Variants in ZNF423 observed in about 807,000 individuals in gnomAD.
The protein encoded by ZNF423 is zinc finger protein 423.
In ZNF423, 12 loss-of-function variants were observed where a neutral mutation model predicts 95.8. The ratio of observed to expected loss-of-function variants is 0.13; its 90% confidence interval spans 0.08 to 0.20. ZNF423 has a LOEUF of 0.20. Among genes scored for constraint, ZNF423 ranks in the 10% least tolerant of loss-of-function variants. ZNF423 has a pLI of 1.00. For missense variants in ZNF423, 1,316 were observed against 1,737.1 expected (o/e 0.76, Z 4.31); for synonymous variants, 749 against 711.9 (o/e 1.05, Z -0.83).
intron 3 of ZNF423, among the ~76,000 whole-genome samples, chr16:49,678,852 A>G (rs2031230781): frequency 1.3e-5 from 2 of 152,240 alleles, no homozygotes; most frequent in Admixed American, 6.5e-5. Flanking sequence ...AATACAAATC[A>G]TGAAGAGGAT....
At chr16:49,784,570 G>A (rs1206276345) in intron 2 of ZNF423, among the ~76,000 whole-genome samples, 1 of 152,176 alleles carries the variant, frequency 6.6e-6, no homozygotes, top group Non-Finnish European at 1.5e-5. Context: ...AAAATATTAG[G>A]CTAAGTGAAA....
chr16:49,708,928 G>A (rs888269448), intron 3 of ZNF423, among the ~76,000 whole-genome samples: 12 of 152,118 alleles, frequency 7.9e-5, no homozygotes, highest in African/African-American at 2.9e-4. Flanking sequence ...ATGAATGGGC[G>A]GGGGGTAAAG....
chr16:49,815,914 A>ATTTTTTT (rs58692079), intron 1 of ZNF423, among the ~76,000 whole-genome samples: 5 of 29,808 alleles, frequency 1.7e-4, no homozygotes, highest in East Asian at 1.2e-3. Flanking sequence ...ATATATATAT[A>ATTTTTTT]TTTTTTTTTT....
At chr16:49,538,581 T>C (rs961276043) in intron 5 of ZNF423, among the ~76,000 whole-genome samples, 2 of 152,136 alleles carry the variant, frequency 1.3e-5, no homozygotes, top group Non-Finnish European at 2.9e-5. Flanking sequence ...TTTTTCCCAG[T>C]GCAAAGCTGC....
At chr16:49,593,062 AT>A (rs1195925688) in intron 5 of ZNF423, among the ~76,000 whole-genome samples, 1 of 152,158 alleles carries the variant, frequency 6.6e-6, no homozygotes, top group African/African-American at 2.4e-5. Flanking sequence ...GAAAGGTTGT[AT>A]GGGGGAGTGA....
rs117048934 is a variant in ZNF423 at position 49,729,214 on chromosome 16, A to C, written c.301+1557T>G. Among the ~76,000 whole-genome samples the C allele has an allele frequency of 2.0e-4, 31 of 152,354 alleles. No homozygotes were observed. The East Asian group carries it at 6.0e-3, about 29-fold the overall frequency. ...CCTATTCTCTTGCATTTAGAAAATA[A>C]AGAGAATAACTTTTCATTAGATCAA... On this transcript the variant is annotated intron_variant, in intron 3 of 7. Coordinates refer to ENST00000563137, the MANE Select transcript of ZNF423 (RefSeq NM_001379286.1).
chr16:49,845,604 G>A (rs2035237039), intron 1 of ZNF423, among the ~76,000 whole-genome samples: 1 of 152,022 alleles, frequency 6.6e-6, no homozygotes, highest in African/African-American at 2.4e-5. Flanking sequence ...ACAGTGGCAT[G>A]ATCATGGCTC....
At chr16:49,524,154 C>T (rs952722196) in intron 6 of ZNF423, among the ~76,000 whole-genome samples, 1 of 152,170 alleles carries the variant, frequency 6.6e-6, no homozygotes, top group African/African-American at 2.4e-5. Context: ...TTGAACCCCT[C>T]CCAGGCCTGT....
chr16:49,515,510 G>A (rs72784282), intron 7 of ZNF423, among the ~76,000 whole-genome samples: 7 of 152,274 alleles, frequency 4.6e-5, no homozygotes, highest in Non-Finnish European at 5.9e-5. Flanking sequence ...AATGACCCTC[G>A]GCAAACCGCT....
chr16:49,751,400 T>G (rs934278256), intron 2 of ZNF423, among the ~76,000 whole-genome samples: 3 of 151,958 alleles, frequency 2.0e-5, no homozygotes, highest in Admixed American at 2.0e-4. Flanking sequence ...AGAGATGAAG[T>G]CTTACTATGT....
intron 1 of ZNF423, among the ~76,000 whole-genome samples, chr16:49,804,944 G>A (rs1196808100): frequency 2.9e-5 from 4 of 136,964 alleles, no homozygotes; most frequent in Non-Finnish European, 4.5e-5. Flanking sequence ...CTGTCCCCCA[G>A]GCTGGAGTGC....
intron 2 of ZNF423, among the ~76,000 whole-genome samples, chr16:49,736,742 C>A (rs978836154): frequency 3.3e-5 from 5 of 152,184 alleles, no homozygotes; most frequent in African/African-American, 1.2e-4. Context: ...CTGCAGTGAG[C>A]CGTGTTCGCA....
intron 7 of ZNF423, among the ~76,000 whole-genome samples, chr16:49,515,675 G>T (rs8055775): frequency 0.3 from 45,720 of 152,140 alleles, 7,706 homozygotes; most frequent in African/African-American, 0.47. Flanking sequence ...AATTGTCTCT[G>T]GTACAATTTC....
upstream of ZNF423, among the ~76,000 whole-genome samples, chr16:49,858,161 C>G (rs566102247): frequency 1.3e-5 from 2 of 152,138 alleles, no homozygotes; most frequent in South Asian, 4.1e-4. The surrounding 1 kb of genome is among the most constrained non-coding windows in gnomAD (Gnocchi z 4.3). Context: ...GGCTACGTCC[C>G]CTCGGAGACG....
At chr16:49,841,722 C>T (rs1413849540) in intron 1 of ZNF423, among the ~76,000 whole-genome samples, 1 of 152,250 alleles carries the variant, frequency 6.6e-6, no homozygotes, top group Non-Finnish European at 1.5e-5. Flanking sequence ...GGGTCTACTC[C>T]CCTCTCTGGC....
intron 7 of ZNF423, among the ~76,000 whole-genome samples, chr16:49,521,895 T>C (rs1444385183): frequency 6.6e-6 from 1 of 152,168 alleles, no homozygotes; most frequent in Non-Finnish European, 1.5e-5. Flanking sequence ...TGTTTGCATA[T>C]CCTCCAGGCA....
At chr16:49,799,102 C>T (rs971361477) in intron 1 of ZNF423, among the ~76,000 whole-genome samples, 69 of 152,104 alleles carry the variant, frequency 4.5e-4, no homozygotes, top group African/African-American at 1.6e-3. Flanking sequence ...CTGCTGTCCC[C>T]CAAGTGATCA....
intron 1 of ZNF423, among the ~76,000 whole-genome samples, chr16:49,815,867 AAAC>A (rs754233840): frequency 0.017 from 658 of 39,000 alleles, 15 homozygotes; most frequent in African/African-American, 0.022. Flanking sequence ...AATTCCAAAC[AAAC>A]AAAAAAAAAA....
intron 1 of ZNF423, among the ~76,000 whole-genome samples, chr16:49,827,252 C>T (rs1335442963): frequency 1.3e-5 from 2 of 152,136 alleles, no homozygotes; most frequent in African/African-American, 2.4e-5. Flanking sequence ...CAGGCCCCCG[C>T]CTCATCCCTC....
Sources: allele counts gnomAD v4.1 joint callset (sites outside exome capture counted in the v4.1 genomes callset), GRCh38; gene constraint gnomAD v4.1.1; non-coding constraint Gnocchi (gnomAD v3.1); transcripts MANE v1.5; gene names NCBI Gene and HGNC (gene_info 2026-07-23, HGNC 2026-07-21).